Variants in C8orf34 observed in about 807,000 individuals in gnomAD.
C8orf34 encodes chromosome 8 open reading frame 34.
A neutral mutation model predicts 68.3 loss-of-function variants in C8orf34; 65 were observed. That is an observed-to-expected ratio of 0.95 (90% CI 0.78 to 1.17). The LOEUF (loss-of-function observed/expected upper bound fraction) is 1.17. C8orf34 is among the 50% of genes most tolerant of loss of function. The pLI is 0.00. For synonymous variants in C8orf34, 244 were observed against 241.2 expected (o/e 1.01, Z -0.11); for missense variants, 664 against 655.4 (o/e 1.01, Z -0.14).
chr8:68,760,869 A>C (rs1241591058), intron 10 of C8orf34, among the ~76,000 whole-genome samples: 1 of 152,214 alleles, frequency 6.6e-6, no homozygotes, highest in Admixed American at 6.5e-5. Flanking sequence ...CACTGTTTAA[A>C]TATTTAATTT....
intron 12 of C8orf34, among the ~76,000 whole-genome samples, chr8:68,794,502 T>TAC (rs1824117218): frequency 6.9e-5 from 5 of 72,108 alleles, no homozygotes; most frequent in African/African-American, 1.4e-4. Context: ...TATATATATA[T>TAC]ATATTTTTTT....
At chr8:68,772,982 C>A (rs188319528) in intron 10 of C8orf34, among the ~76,000 whole-genome samples, 23 of 151,776 alleles carry the variant, frequency 1.5e-4, no homozygotes, top group African/African-American at 5.1e-4. Flanking sequence ...TCCTCTCCCC[C>A]TCTTTGTTTT....
At chr8:68,436,704 A>G (rs1175082211) in intron 1 of C8orf34, among the ~76,000 whole-genome samples, 1 of 152,096 alleles carries the variant, frequency 6.6e-6, no homozygotes, top group Non-Finnish European at 1.5e-5. Flanking sequence ...ATGTTCTAGA[A>G]TACTTTTTTC....
intron 11 of C8orf34, among the ~76,000 whole-genome samples, chr8:68,785,105 G>A (rs1383090876): frequency 6.6e-6 from 1 of 152,014 alleles, no homozygotes; most frequent in Admixed American, 6.6e-5. Flanking sequence ...AGCTACTTGG[G>A]AGGCTGAGGC....
intron 10 of C8orf34, among the ~76,000 whole-genome samples, chr8:68,772,984 C>T (rs1823398369): frequency 1.3e-5 from 2 of 151,864 alleles, no homozygotes; most frequent in African/African-American, 2.4e-5. Context: ...CTCTCCCCCT[C>T]TTTGTTTTTC....
chr8:68,696,101 G>T (rs1286353427), intron 8 of C8orf34, among the ~76,000 whole-genome samples: 4 of 151,546 alleles, frequency 2.6e-5, no homozygotes, highest in Non-Finnish European at 5.9e-5. Context: ...AAGAGGTCAG[G>T]ACTTCAATGA....
intron 2 of C8orf34, among the ~76,000 whole-genome samples, chr8:68,444,423 A>G (rs1442681351): frequency 6.6e-6 from 1 of 152,096 alleles, no homozygotes; most frequent in Admixed American, 6.5e-5. Context: ...TTTTAAAACT[A>G]TGATTACCTC....
intron 1 of C8orf34, among the ~76,000 whole-genome samples, chr8:68,417,253 T>C (rs1238294653): frequency 1.3e-5 from 2 of 152,214 alleles, no homozygotes; most frequent in East Asian, 3.8e-4. Flanking sequence ...AATTCTCATA[T>C]ACTCTTTTTA....
chr8:68,794,776 A>C (rs1223643690), intron 12 of C8orf34, among the ~76,000 whole-genome samples: 1 of 151,902 alleles, frequency 6.6e-6, no homozygotes, highest in Non-Finnish European at 1.5e-5. Flanking sequence ...CATGAGCCAC[A>C]TGCCTAGCCA....
intron 1 of C8orf34, among the ~76,000 whole-genome samples, chr8:68,412,800 C>T (rs927797165): frequency 6.6e-6 from 1 of 152,138 alleles, no homozygotes; most frequent in Non-Finnish European, 1.5e-5. Flanking sequence ...ATCTCTAGCT[C>T]TCTGCCTTGA....
At chr8:68,762,375 T>C (rs565405676) in intron 10 of C8orf34, among the ~76,000 whole-genome samples, 1 of 152,350 alleles carries the variant, frequency 6.6e-6, no homozygotes, top group African/African-American at 2.4e-5. Flanking sequence ...TGGTATGGGT[T>C]TCAGATGGGG....
intron 4 of C8orf34, among the ~76,000 whole-genome samples, chr8:68,471,925 A>AACACACACACAC (rs10596354): frequency 8.7e-4 from 129 of 147,458 alleles, no homozygotes; most frequent in Middle Eastern, 6.8e-3. Context: ...GACTTAAATG[A>AACACACACACAC]ACACACACAC....
rs1311260448 is a variant in C8orf34, at chr8:68,468,834, C to T, written c.736+14C>T. The T allele has an allele frequency of 6.2e-7, 1 of 1,604,694 alleles. No individual in the cohort carries two copies. Among genetic ancestry groups the T allele is most frequent in the East Asian group, 2.2e-5 (1 of 44,720 alleles). On this transcript the variant is annotated intron_variant, in intron 4 of 13. Coordinates refer to ENST00000518698, the MANE Select transcript of C8orf34 (RefSeq NM_052958.4). ...ATCTCTCTCGAAGTAAGTTCATTTA[C>T]TTGATTATAATTGAAACTCCTAACC...
chr8:68,412,491 T>C (rs1035692343), intron 1 of C8orf34, among the ~76,000 whole-genome samples: 2 of 152,120 alleles, frequency 1.3e-5, no homozygotes, highest in Non-Finnish European at 1.5e-5. Flanking sequence ...CCACTCCTCA[T>C]TTTTACTTTT....
intron 11 of C8orf34, among the ~76,000 whole-genome samples, chr8:68,783,879 T>A (rs531561072): frequency 6.6e-6 from 1 of 152,298 alleles, no homozygotes; most frequent in Non-Finnish European, 1.5e-5. Flanking sequence ...GGGTTCACAC[T>A]TTCAATATTA....
chr8:68,394,856 A>G (rs1177159623), intron 1 of C8orf34, among the ~76,000 whole-genome samples: 1 of 152,066 alleles, frequency 6.6e-6, no homozygotes, highest in Admixed American at 6.6e-5. Flanking sequence ...AGAAAATACT[A>G]AGGAATAAAA....
intron 3 of C8orf34, among the ~76,000 whole-genome samples, chr8:68,462,540 A>C (rs994359658): frequency 6.6e-6 from 1 of 151,770 alleles, no homozygotes; most frequent in African/African-American, 2.4e-5. Flanking sequence ...CATAGTTGGA[A>C]GTAAAGCTCT....
intron 1 of C8orf34, among the ~76,000 whole-genome samples, chr8:68,333,127 A>G (rs973321130): frequency 6.6e-6 from 1 of 152,220 alleles, no homozygotes; most frequent in Non-Finnish European, 1.5e-5. Flanking sequence ...CAAGATTTTA[A>G]TAATAATAAA....
At position 68,775,651 on chromosome 8, in the gene C8orf34, A is replaced by T. The variant is rs936006376; in HGVS notation, c.1405-748A>T. On this transcript the variant is annotated intron_variant, in intron 10 of 13. Transcript: ENST00000518698. ...CTATGTAAAAAATATTTTTAAGTCC[A>T]TGTTTTAGATCGTCACACAAATTTA... is the stretch of plus-strand genomic sequence containing the variant. Among the ~76,000 whole-genome samples, 4 of 152,212 alleles carry T rather than the reference A, an allele frequency of 2.6e-5. No individual in the cohort carries two copies. The East Asian group carries it at 7.7e-4, about 29-fold the overall frequency.
Sources: allele counts gnomAD v4.1 joint callset (sites outside exome capture counted in the v4.1 genomes callset), GRCh38; gene constraint gnomAD v4.1.1; transcripts MANE v1.5; gene names NCBI Gene and HGNC (gene_info 2026-07-23, HGNC 2026-07-21).